TPD52: variants seen among roughly 807,000 people sequenced by gnomAD.
The protein encoded by TPD52 is prostate and colon associated protein.
TPD52 carries 17 observed loss-of-function variants against 31.3 expected under a neutral mutation model. The ratio of observed to expected loss-of-function variants is 0.54; its 90% CI spans 0.37 to 0.82. The LOEUF (loss-of-function observed/expected upper bound fraction) is 0.82, where lower values mean the gene tolerates loss of function less well. Among genes scored for constraint, TPD52 ranks in the 40% least tolerant of loss-of-function variants. TPD52 has a pLI of 0.00. For synonymous variants in TPD52, 83 were observed against 89.6 expected (o/e 0.93, Z 0.42); for missense variants, 212 against 240.1 (o/e 0.88, Z 0.77).
At chr8:80,042,429 C>G (rs1034888354) in intron 7 of TPD52, 191 bp downstream of exon 7, 2 of 985,332 alleles carry the variant, frequency 2.0e-6, no homozygotes, top group Admixed American at 6.1e-5. Flanking sequence ...TGCTGCCACA[C>G]TACAGCATAC....
intron 7 of TPD52, among the ~76,000 whole-genome samples, chr8:80,040,881 T>C (rs1810313857): frequency 6.6e-6 from 1 of 152,216 alleles, no homozygotes; most frequent in South Asian, 2.1e-4. Flanking sequence ...ATCAGATGCA[T>C]ATTGAGCAAT....
intron 1 of TPD52, among the ~76,000 whole-genome samples, chr8:80,128,494 C>CAGAAAA (rs1190789577): frequency 4.8e-5 from 4 of 83,152 alleles, no homozygotes; most frequent in Non-Finnish European, 8.7e-5. Context: ...CCTGTCTCTA[C>CAGAAAA]AAAAAAAAAA....
chr8:80,116,665 T>G (rs1283861925), intron 1 of TPD52, among the ~76,000 whole-genome samples: 3 of 152,110 alleles, frequency 2.0e-5, no homozygotes. Flanking sequence ...AGTATTACCC[T>G]GCTACCAAAA....
intron 1 of TPD52, among the ~76,000 whole-genome samples, chr8:80,105,095 A>C (rs942149412): frequency 6.6e-6 from 1 of 151,880 alleles, no homozygotes; most frequent in Admixed American, 6.6e-5. Flanking sequence ...TTTAAAAGAA[A>C]ATTTTTTACT....
At chr8:80,053,157 G>T in intron 3 of TPD52, 125 bp downstream of exon 3, 1 of 1,061,046 alleles carries the variant, frequency 9.4e-7, no homozygotes, top group South Asian at 2.2e-5. Context: ...GAAAAAAAGG[G>T]TGCCGTGTCG....
chr8:80,059,941 CGTGGTG>C (rs1812328526), intron 2 of TPD52, among the ~76,000 whole-genome samples: 1 of 151,348 alleles, frequency 6.6e-6, no homozygotes, highest in Non-Finnish European at 1.5e-5. Flanking sequence ...ATTAGTCAGG[CGTGGTG>C]GTGCACGCCT....
chr8:80,033,716 G>A (rs147528945), downstream of TPD52, among the ~76,000 whole-genome samples: 7 of 152,262 alleles, frequency 4.6e-5, no homozygotes, highest in East Asian at 1.9e-4. Context: ...AGAGAGGAGC[G>A]TTATTGAATG....
chr8:80,054,866 C>T (rs1401399160), intron 2 of TPD52, among the ~76,000 whole-genome samples: 2 of 151,908 alleles, frequency 1.3e-5, no homozygotes, highest in South Asian at 2.1e-4. Context: ...AGTACTGGAC[C>T]CAGTTTTGTA....
rs548247899 is a variant in TPD52 at position 80,084,819 on chromosome 8, T to C, written c.20-20226A>G. 3.3e-5 allele frequency among the ~76,000 whole-genome samples: 5 copies of C among 152,304 alleles called. No individual in the cohort carries two copies. The East Asian group carries it at 9.6e-4, about 29-fold the overall frequency. On this transcript the variant is annotated intron_variant, in intron 1 of 7. Coordinates refer to ENST00000518937, the MANE Select transcript of TPD52 (RefSeq NM_001025253.3). ...CTAGAGTTTCCCCTTTTCCTGTAAG[T>C]TCCTACCCATTTAGCAAGCTCTACT...
intron 2 of TPD52, among the ~76,000 whole-genome samples, chr8:80,055,522 A>G (rs1481787526): frequency 6.6e-6 from 1 of 152,204 alleles, no homozygotes; most frequent in Non-Finnish European, 1.5e-5. Flanking sequence ...TATGGCTAAG[A>G]CCTCAGAAAC....
chr8:80,065,184 G>A (rs955519702), intron 1 of TPD52, among the ~76,000 whole-genome samples: 6 of 151,532 alleles, frequency 4.0e-5, no homozygotes, highest in Non-Finnish European at 8.8e-5. Flanking sequence ...ACAGGGTGTC[G>A]CTATGTTGCC....
chr8:80,101,639 C>T (rs1806748862), intron 1 of TPD52, among the ~76,000 whole-genome samples: 1 of 152,012 alleles, frequency 6.6e-6, no homozygotes, highest in African/African-American at 2.4e-5. Context: ...GAAGCTTCCA[C>T]TCATAGTGGA....
intron 1 of TPD52, among the ~76,000 whole-genome samples, chr8:80,148,549 T>C (rs776312448): frequency 6.6e-6 from 1 of 152,164 alleles, no homozygotes; most frequent in Non-Finnish European, 1.5e-5. Flanking sequence ...AAACAACAGT[T>C]TTAAAGCCAA....
intron 1 of TPD52, among the ~76,000 whole-genome samples, chr8:80,082,778 G>A (rs1186620775): frequency 6.6e-6 from 1 of 152,202 alleles, no homozygotes; most frequent in Admixed American, 6.5e-5. Context: ...CCGGATACCT[G>A]CCCTGAAGGT....
chr8:80,093,087 G>A lies in TPD52; in HGVS notation c.20-28494C>T, dbSNP rs932943165. 2.0e-5 allele frequency among the ~76,000 whole-genome samples: 3 copies of A among 152,114 alleles called. No individual in the cohort carries two copies. The East Asian group carries it at 5.8e-4, about 29-fold the overall frequency. On this transcript the variant is annotated intron_variant, in intron 1 of 7. Transcript: ENST00000518937. ...GAGACCCTAACAGTTCACAAAGCAG[G>A]CAAGTTCAGATAGGACAAAACCGGC...
At position 80,037,873 on chromosome 8, in the gene TPD52, T is replaced by C. The variant is rs529311659; in HGVS notation, c.*243A>G. On this transcript the variant is annotated 3_prime_UTR_variant, in exon 8 of 8. Transcript: ENST00000518937. ...TTATAGTGAATGTCCCCATTTACTA[T>C]AAGTGTTTTTATAATGGTGTTTCCT... 5.9e-5 allele frequency: 23 copies of C among 391,682 alleles called. No individual in the cohort carries two copies. The highest frequency in any genetic ancestry group is 1.0e-4 in the Non-Finnish European group (23 of 219,732). 24.3% of individuals were successfully genotyped at this position (391,682 alleles called of 1,614,324 possible).
chr8:80,131,570 G>A (rs1156405276), intron 1 of TPD52, among the ~76,000 whole-genome samples: 1 of 152,100 alleles, frequency 6.6e-6, no homozygotes, highest in Admixed American at 6.6e-5. Context: ...TATGCCTGGT[G>A]GCTTTTGTAG....
chr8:80,076,697 T>C (rs1384450829), intron 1 of TPD52, among the ~76,000 whole-genome samples: 2 of 145,020 alleles, frequency 1.4e-5, no homozygotes, highest in Admixed American at 6.9e-5. Flanking sequence ...TGTTTTGAGA[T>C]GGAGTCTCAT....
intron 1 of TPD52, among the ~76,000 whole-genome samples, chr8:80,072,885 T>C (rs528889102): frequency 6.6e-6 from 1 of 151,792 alleles, no homozygotes; most frequent in African/African-American, 2.4e-5. Flanking sequence ...GGTGGATCAC[T>C]TGAAGCCAGG....
Sources: allele counts gnomAD v4.1 joint callset (sites outside exome capture counted in the v4.1 genomes callset), GRCh38; gene constraint gnomAD v4.1.1; transcripts MANE v1.5; gene names NCBI Gene and HGNC (gene_info 2026-07-23, HGNC 2026-07-21).